LZTFL1: variants seen among roughly 807,000 people sequenced by gnomAD.
LZTFL1 encodes the protein leucine zipper transcription factor like 1, also known as leucine zipper transcription factor-like protein 1.
LZTFL1 carries 25 observed loss-of-function variants against 45.9 expected under a neutral mutation model. That is an observed-to-expected ratio of 0.54 (90% CI 0.40 to 0.76). LZTFL1 has a LOEUF of 0.76. Ranked by LOEUF, LZTFL1 falls within the 30% of genes least tolerant of loss-of-function variation. LZTFL1 has a pLI of 0.00. For missense variants in LZTFL1, 277 were observed against 331.1 expected (o/e 0.84, Z 1.27); for synonymous variants, 93 against 117.4 (o/e 0.79, Z 1.35).
chr3:45,838,138 C>T (rs183969780), intron 1 of LZTFL1, 87 bp from the exon 2 acceptor site: 26 of 1,379,534 alleles, frequency 1.9e-5, no homozygotes, highest in Middle Eastern at 2.4e-4. Context: ...ATCCTGTGGT[C>T]GAGACTGCTA....
chr3:45,833,024 T>C (rs572553263), intron 5 of LZTFL1, 26 bp downstream of exon 5: 1 of 1,549,048 alleles, frequency 6.5e-7, no homozygotes, highest in South Asian at 1.1e-5. Context: ...TGAGAGACTT[T>C]CCGTTTCTCA....
chr3:45,914,357 G>T (rs1702856795), intron 1 of LZTFL1, among the ~76,000 whole-genome samples: 1 of 150,612 alleles, frequency 6.6e-6, no homozygotes, highest in African/African-American at 2.4e-5. Context: ...GGCAATCACA[G>T]TTGCAGCCTC....
At chr3:45,871,056 T>C (rs960094197) in intron 2 of LZTFL1, among the ~76,000 whole-genome samples, 1 of 152,232 alleles carries the variant, frequency 6.6e-6, no homozygotes, top group Non-Finnish European at 1.5e-5. Flanking sequence ...TTTAAATGGC[T>C]ACATAGTATT....
intron 3 of LZTFL1, among the ~76,000 whole-genome samples, chr3:45,858,589 C>T (rs998424477): frequency 6.6e-6 from 1 of 152,080 alleles, no homozygotes; most frequent in Admixed American, 6.6e-5. Context: ...CTATAAACTA[C>T]AGAATGAAAA....
At chr3:45,883,414 C>T (rs1701899640) in intron 2 of LZTFL1, among the ~76,000 whole-genome samples, 1 of 152,220 alleles carries the variant, frequency 6.6e-6, no homozygotes, top group Non-Finnish European at 1.5e-5. Context: ...ACCCCGTTAA[C>T]TCACCAGAAT....
At chr3:45,836,855 C>CA (rs1439908180) in intron 2 of LZTFL1, among the ~76,000 whole-genome samples, 4 of 152,212 alleles carry the variant, frequency 2.6e-5, no homozygotes, top group African/African-American at 9.6e-5. Context: ...GCAAAGGATT[C>CA]ATGCCCAACA....
At chr3:45,884,760 T>C (rs1326307255) in intron 2 of LZTFL1, among the ~76,000 whole-genome samples, 1 of 152,196 alleles carries the variant, frequency 6.6e-6, no homozygotes, top group Non-Finnish European at 1.5e-5. Flanking sequence ...CGCTGCAAGC[T>C]TTCCAAGGAC....
chr3:45,870,781 G>A (rs995971463), intron 2 of LZTFL1, among the ~76,000 whole-genome samples: 1 of 152,146 alleles, frequency 6.6e-6, no homozygotes, highest in Non-Finnish European at 1.5e-5. Context: ...CAAACGAAAC[G>A]TCTCCTTCAC....
intron 1 of LZTFL1, among the ~76,000 whole-genome samples, chr3:45,839,582 G>A (rs932695481): frequency 6.6e-6 from 1 of 152,120 alleles, no homozygotes; most frequent in Non-Finnish European, 1.5e-5. Flanking sequence ...ATGTTACTCT[G>A]ATCCTAAAGT....
chr3:45,853,411 G>C (rs372981303), intron 4 of LZTFL1, among the ~76,000 whole-genome samples: 2 of 152,166 alleles, frequency 1.3e-5, no homozygotes, highest in South Asian at 2.1e-4. Context: ...CTTACTTTGA[G>C]AGCAATGATT....
chr3:45,883,418 C>G (rs546235960), intron 2 of LZTFL1, among the ~76,000 whole-genome samples: 11 of 152,324 alleles, frequency 7.2e-5, no homozygotes, highest in Admixed American at 2.6e-4. Flanking sequence ...CGTTAACTCA[C>G]CAGAATACAG....
exon 3 of LZTFL1, chr3:45,858,943 G>A: frequency 6.6e-6 from 1 of 152,176 alleles, no homozygotes; most frequent in East Asian, 1.9e-4. Flanking sequence ...TACTCACCTT[G>A]CGATTAATCC....
intron 2 of LZTFL1, among the ~76,000 whole-genome samples, chr3:45,875,192 T>TC (rs1372183775): frequency 8.5e-6 from 1 of 117,900 alleles, no homozygotes; most frequent in Non-Finnish European, 1.7e-5. Context: ...ACTTTTTCTC[T>TC]CCTGCTCCCT....
chr3:45,826,082 G>A lies in LZTFL1; in HGVS notation c.*232C>T. 2.1e-6 allele frequency: 1 copy of A among 474,086 alleles called. No homozygotes were observed. The highest frequency in any genetic ancestry group is 3.7e-6 in the Non-Finnish European group (1 of 267,864). 29.4% of individuals were successfully genotyped at this position (474,086 alleles called of 1,614,324 possible). A position where few individuals can be genotyped will look rare whatever the true frequency, so the allele number is the denominator to read the frequency against. ...TGTAAAGAATTCTCAGTGCATGTGAGCTAAGACTCTGGAGCACTCAGTAGA... is the reference window on the plus strand; with the variant it reads ...TGTAAAGAATTCTCAGTGCATGTGAACTAAGACTCTGGAGCACTCAGTAGA... On this transcript the variant is annotated 3_prime_UTR_variant, in exon 10 of 10. Coordinates refer to ENST00000296135, the MANE Select transcript of LZTFL1 (RefSeq NM_020347.4).
At chr3:45,831,623 T>G (rs1240427496) in intron 5 of LZTFL1, among the ~76,000 whole-genome samples, 1 of 152,200 alleles carries the variant, frequency 6.6e-6, no homozygotes, top group Admixed American at 6.5e-5. Context: ...TCTGTGTTAT[T>G]TTTCAGTAGA....
chr3:45,908,739 A>T (rs987958896), intron 2 of LZTFL1, among the ~76,000 whole-genome samples: 1 of 152,214 alleles, frequency 6.6e-6, no homozygotes, highest in Non-Finnish European at 1.5e-5. Flanking sequence ...CAATTGGTTT[A>T]GGACTTCTCC....
rs748636404 is a variant in LZTFL1, at chr3:45,894,903, C to T, written c.-215+18217G>A. 6 of 1,612,852 alleles carry T rather than the reference C, an allele frequency of 3.7e-6. No homozygotes were observed. The African/African-American group carries it at 4.0e-5, about 11-fold the overall frequency. On this transcript the variant is annotated intron_variant, in intron 2 of 4. Transcript: ENST00000472635. ...CACTTTTTGATTTTTGTCCCTTTTC[C>T]AGGAGCAGGCTTGCATCTGACTGAC...
intron 4 of LZTFL1, among the ~76,000 whole-genome samples, chr3:45,852,913 T>C (rs1227221805): frequency 6.6e-6 from 1 of 152,232 alleles, no homozygotes; most frequent in South Asian, 2.1e-4. Flanking sequence ...AGGCAGACAT[T>C]TCAGGCCATG....
intron 7 of LZTFL1, among the ~76,000 whole-genome samples, 159 bp downstream of exon 7, chr3:45,830,754 C>T (rs921577964): frequency 1.3e-5 from 2 of 152,106 alleles, no homozygotes; most frequent in Non-Finnish European, 2.9e-5. Flanking sequence ...CTCACCAGGC[C>T]TTTTGGGGGC....
Sources: gnomAD v4.1 joint callset for allele counts (sites outside exome capture counted in the v4.1 genomes callset) on GRCh38, gnomAD v4.1.1 for gene constraint, MANE v1.5 for transcripts, NCBI Gene and HGNC (gene_info 2026-07-23, HGNC 2026-07-21) for gene names.